Variants in JAM3 observed in about 807,000 individuals in gnomAD.
JAM3 encodes junctional adhesion molecule C.
Under a neutral mutation model 39.4 loss-of-function variants are expected in JAM3, and 31 were observed. That is an observed-to-expected ratio of 0.79 (90% CI 0.59 to 1.06). The LOEUF is 1.06. JAM3 is among the 50% of genes least tolerant of loss of function. The probability of loss-of-function intolerance (pLI) is 0.00; values close to 1 mark genes in which losing one functional copy is unlikely to be tolerated. For missense variants in JAM3, 455 were observed against 391.4 expected, an observed-to-expected ratio of 1.16 and a Z score of -1.37; for synonymous variants, 182 against 148.7, an observed-to-expected ratio of 1.22 and a Z score of -1.63.
chr11:134,119,491 C>G (rs538000705), intron 1 of JAM3, among the ~76,000 whole-genome samples: 1 of 152,258 alleles, frequency 6.6e-6, no homozygotes, highest in African/African-American at 2.4e-5. Context: ...AGAAACAGAA[C>G]TATTAGGAGA....
intron 8 of JAM3, 96 bp downstream of exon 8, chr11:134,148,914 A>G: frequency 7.7e-7 from 1 of 1,297,784 alleles, no homozygotes; most frequent in South Asian, 1.2e-5. Flanking sequence ...AAGATTTCTG[A>G]GTGATTGTGC....
In JAM3 at chr11:134,147,539, T is replaced by C. The variant is rs1345282410; in HGVS notation, c.713-1008T>C. On this transcript the variant is annotated intron_variant, in intron 6 of 8. Transcript: ENST00000299106. ...TCTCGCTCTGTCACCCAGGCTGGAG[T>C]GCAGTGGCACAATCTCGGCTCACTG... Among the ~76,000 whole-genome samples the C allele has an allele frequency of 6.1e-5, 9 of 147,260 alleles. No individual in the cohort carries two copies. The East Asian group carries it at 1.7e-3, about 28-fold the overall frequency.
intron 1 of JAM3, chr11:134,124,111 G>A: frequency 2.0e-6 from 3 of 1,487,160 alleles, no homozygotes; most frequent in South Asian, 1.1e-5. Flanking sequence ...TGATTAGGGG[G>A]TGGAGCTCCA....
Position 134,090,488 on chromosome 11 carries a change from A to T in JAM3, c.76+21329A>T, listed in dbSNP as rs1171567967. Among the ~76,000 whole-genome samples the T allele has an allele frequency of 3.9e-5, 6 of 152,312 alleles. No homozygotes were observed. In the East Asian group the frequency reaches 1.2e-3, roughly 29 times the overall value. ...CATGAAGGAGAAGATATACAAAAGG[A>T]AAACTAGATGAGAACAAACAAGCTG... On this transcript the variant is annotated intron_variant, in intron 1 of 8. Transcript: ENST00000299106.
intron 1 of JAM3, chr11:134,123,940 T>C: frequency 4.1e-6 from 6 of 1,448,474 alleles, no homozygotes; most frequent in Non-Finnish European, 5.8e-6. Flanking sequence ...TTTTGTGTTA[T>C]AAACTGAACT....
At chr11:134,087,208 TACAC>T (rs535110623) in intron 1 of JAM3, among the ~76,000 whole-genome samples, 55 of 151,498 alleles carry the variant, frequency 3.6e-4, no homozygotes, top group African/African-American at 1.1e-3. Context: ...ATGAAGGAGA[TACAC>T]ACACACGCAC....
chr11:134,148,471 G>A (rs1352902501), intron 6 of JAM3, 76 bp from the exon 7 acceptor site: 2 of 1,603,162 alleles, frequency 1.2e-6, no homozygotes, highest in Non-Finnish European at 1.7e-6. Context: ...GAAGGAAGGA[G>A]GCACAGCAGG....
At chr11:134,123,339 G>T (rs917428601) in intron 1 of JAM3, among the ~76,000 whole-genome samples, 2 of 152,038 alleles carry the variant, frequency 1.3e-5, no homozygotes, top group African/African-American at 4.8e-5. Context: ...AAAGGGACAT[G>T]TAGGAGAGGA....
At chr11:134,147,003 G>C (rs1565506772) in intron 6 of JAM3, among the ~76,000 whole-genome samples, 1 of 152,180 alleles carries the variant, frequency 6.6e-6, no homozygotes, top group Non-Finnish European at 1.5e-5. Context: ...ACATATGCTA[G>C]AAATGTCTGT....
chr11:134,082,151 A>G (rs1010624081), intron 1 of JAM3, among the ~76,000 whole-genome samples: 7 of 152,188 alleles, frequency 4.6e-5, no homozygotes, highest in Admixed American at 4.6e-4. Context: ...GTCTTGGCCA[A>G]TTTCTCCCAT....
intron 2 of JAM3, 146 bp downstream of exon 2, chr11:134,140,062 C>T: frequency 1.4e-6 from 1 of 708,882 alleles, no homozygotes; most frequent in Non-Finnish European, 2.5e-6. Context: ...GGCCTGGAAG[C>T]ATGGCATCAG....
At chr11:134,117,364 C>A (rs1942455718) in intron 1 of JAM3, among the ~76,000 whole-genome samples, 1 of 145,032 alleles carries the variant, frequency 6.9e-6, no homozygotes, top group Non-Finnish European at 1.5e-5. Flanking sequence ...GCGACAAGAG[C>A]AAAAAACTCC....
At chr11:134,141,531 G>C (rs1942972498) in intron 3 of JAM3, among the ~76,000 whole-genome samples, 1 of 152,068 alleles carries the variant, frequency 6.6e-6, no homozygotes, top group African/African-American at 2.4e-5. Flanking sequence ...GGCGGTATCT[G>C]AGGGCCCGCT....
chr11:134,134,116 C>T (rs776679923), intron 1 of JAM3, among the ~76,000 whole-genome samples: 7 of 151,708 alleles, frequency 4.6e-5, no homozygotes, highest in East Asian at 3.9e-4. Flanking sequence ...CTAGCAGAAA[C>T]GAAAAATGTT....
intron 1 of JAM3, among the ~76,000 whole-genome samples, chr11:134,105,562 G>T (rs1472591823): frequency 1.3e-5 from 2 of 152,110 alleles, no homozygotes; most frequent in African/African-American, 4.8e-5. Flanking sequence ...AAGTCAAATT[G>T]TCCCTGTTTG....
intron 1 of JAM3, 58 bp from the exon 2 acceptor site, chr11:134,139,793 A>T: frequency 7.3e-7 from 1 of 1,375,924 alleles, no homozygotes; most frequent in Non-Finnish European, 1.0e-6. Flanking sequence ...CCTCAGTGCA[A>T]GGTTTCTCTG....
chr11:134,128,652 TCTC>T (rs771308190), intron 1 of JAM3, among the ~76,000 whole-genome samples: 49 of 151,376 alleles, frequency 3.2e-4, no homozygotes, highest in Non-Finnish European at 6.5e-4. Flanking sequence ...GCTCTGTCTC[TCTC>T]CTCCTTTCCC....
intron 1 of JAM3, among the ~76,000 whole-genome samples, chr11:134,128,622 G>A (rs893029159): frequency 6.6e-6 from 1 of 151,944 alleles, no homozygotes; most frequent in African/African-American, 2.4e-5. Flanking sequence ...CCCCTTATTC[G>A]CTCACTCGTG....
chr11:134,087,741 TTTATG>T (rs1245593679), intron 1 of JAM3, among the ~76,000 whole-genome samples: 1 of 152,178 alleles, frequency 6.6e-6, no homozygotes, highest in Non-Finnish European at 1.5e-5. Context: ...ACTTAATCCC[TTTATG>T]TTAAGTTTTC....
Sources: allele counts gnomAD v4.1 joint callset (sites outside exome capture counted in the v4.1 genomes callset), GRCh38; gene constraint gnomAD v4.1.1; transcripts MANE v1.5; gene names NCBI Gene and HGNC (gene_info 2026-07-23, HGNC 2026-07-21).